The following EDEM1 variants were observed in gnomAD, a reference collection of about 807,000 sequenced individuals.
EDEM1 encodes the protein ER degradation-enhancing alpha-mannosidase-like protein 1.
Under a neutral mutation model 74.4 loss-of-function variants are expected in EDEM1, and 67 were observed. The observed-to-expected ratio is 0.90, with a 90% CI of 0.74 to 1.10. The LOEUF (loss-of-function observed/expected upper bound fraction) is 1.10, where lower values mean the gene tolerates loss of function less well. EDEM1 is among the 50% of genes least tolerant of loss of function. The pLI, the probability that EDEM1 is intolerant of heterozygous loss-of-function variation, is 0.00. For synonymous variants in EDEM1, 382 were observed against 335.9 expected, an observed-to-expected ratio of 1.14 and a Z score of -1.50; for missense variants, 926 against 851.6, an observed-to-expected ratio of 1.09 and a Z score of -1.09.
At chr3:5,193,385 C>T (rs746781652) in intron 1 of EDEM1, among the ~76,000 whole-genome samples, 6 of 152,108 alleles carry the variant, frequency 3.9e-5, no homozygotes, top group East Asian at 1.9e-4. Flanking sequence ...CTGTCACTTG[C>T]GCTTGAGAGG....
At position 5,215,828 on chromosome 3, in the gene EDEM1, G is replaced by A. The variant is rs935616749; in HGVS notation, c.1885-1G>A. 1 of 1,612,982 alleles carries A rather than the reference G, an allele frequency of 6.2e-7. No individual in the cohort carries two copies. Among genetic ancestry groups the A allele is most frequent in the Non-Finnish European group, 8.5e-7 (1 of 1,179,448 alleles). ...ATTTTCCCTCGTTTTTGTCTTTCTA[G>A]TGCAATCGTGTACCTGATGAGAGGA... On this transcript the variant is annotated splice_acceptor_variant, in intron 11 of 11. Transcript: ENST00000256497. LOFTEE classifies it high-confidence loss of function.
rs756341888 is a variant in EDEM1, at chr3:5,188,325, C to G, written c.509+11C>G. The G allele has an allele frequency of 3.4e-6, 5 of 1,451,528 alleles. No homozygotes were observed. The South Asian group carries it at 4.2e-5, about 12-fold the overall frequency. The allele number at this position is 1,451,528 out of a possible 1,614,324, so 89.9% of individuals were successfully genotyped here. A position where few individuals can be genotyped will look rare whatever the true frequency, so the allele number is the denominator to read the frequency against. On this transcript the variant is annotated intron_variant, in intron 1 of 11. Coordinates refer to ENST00000256497, the MANE Select transcript of EDEM1 (RefSeq NM_014674.3). ...CGACCGCGGGGACCCGTGAGTAGCC[C>G]CCGCCGCCCGGGGCCGCGCGCCCAC...
intron 1 of EDEM1, chr3:5,189,692 T>C (rs343421): frequency 0.95 from 144,327 of 152,372 alleles, 68,473 homozygotes; most frequent in Non-Finnish European, 0.98. Context: ...CCTCCGCCTC[T>C]GTGGTTAAAG....
chr3:5,202,229 G>A (rs1175730208), intron 4 of EDEM1, among the ~76,000 whole-genome samples: 1 of 152,184 alleles, frequency 6.6e-6, no homozygotes, highest in South Asian at 2.1e-4. Flanking sequence ...TATATTCTCT[G>A]CTACAAAGCA....
At chr3:5,189,459 G>C (rs896142145) in intron 1 of EDEM1, 5 of 152,166 alleles carry the variant, frequency 3.3e-5, no homozygotes, top group Non-Finnish European at 5.9e-5. Context: ...AAATTCAAAG[G>C]ACTGAGCCTT....
intron 11 of EDEM1, 144 bp from the exon 12 acceptor site, chr3:5,215,685 G>A (rs906769377): frequency 2.6e-5 from 19 of 743,350 alleles, no homozygotes; most frequent in Non-Finnish European, 4.4e-5. Flanking sequence ...TGACCGTCCT[G>A]CAGTGTACAG....
intron 6 of EDEM1, among the ~76,000 whole-genome samples, chr3:5,205,865 G>T (rs1559298148): frequency 6.6e-6 from 1 of 151,886 alleles, no homozygotes; most frequent in East Asian, 1.9e-4. Flanking sequence ...GTGGGAGGGG[G>T]CTGTGCAAGC....
At chr3:5,200,973 T>G (rs924610241) in intron 3 of EDEM1, among the ~76,000 whole-genome samples, 1 of 151,574 alleles carries the variant, frequency 6.6e-6, no homozygotes, top group Non-Finnish European at 1.5e-5. Flanking sequence ...CACGGCTCAC[T>G]GCAGCCTTGA....
At chr3:5,188,467 C>G in intron 1 of EDEM1, 153 bp downstream of exon 1, 5 of 841,592 alleles carry the variant, frequency 5.9e-6, no homozygotes, top group Non-Finnish European at 8.0e-6. Context: ...GTGTGAGTCC[C>G]TGTGAAGACC....
rs534407014 is a variant in EDEM1, at chr3:5,215,537, T to C, written c.1885-292T>C. 7.9e-5 allele frequency among the ~76,000 whole-genome samples: 12 copies of C among 152,300 alleles called. No individual in the cohort carries two copies. In the East Asian group the frequency reaches 1.9e-3, roughly 24 times the overall value. On this transcript the variant is annotated intron_variant, in intron 11 of 11. Transcript: ENST00000256497. Reference sequence around the variant, plus strand: ...TTATAAAGTGAGTGAGGATGTTAAATTATGTCACTGGTCTTCACCTGAGGG... The same window carrying C: ...TTATAAAGTGAGTGAGGATGTTAAACTATGTCACTGGTCTTCACCTGAGGG...
At position 5,218,759 on chromosome 3, in the gene EDEM1, T is replaced by C. The variant is rs74552995; in HGVS notation, c.*2841T>C. The C allele has an allele frequency of 6.6e-6, 1 of 152,012 alleles. No homozygotes were observed. The highest frequency in any genetic ancestry group is 1.5e-5 in the Non-Finnish European group (1 of 67,972). The allele number at this position is 152,012 out of a possible 1,614,324, so 9.4% of individuals were successfully genotyped here. ...TGTGACCGAGGAATCCCTTCTAGAA[T>C]CATAGGTGGCAAGGGAGGGTTTGCT... is the stretch of plus-strand genomic sequence containing the variant. On this transcript the variant is annotated 3_prime_UTR_variant, in exon 12 of 12. Coordinates refer to ENST00000256497, the MANE Select transcript of EDEM1 (RefSeq NM_014674.3).
rs140019352 is a variant in EDEM1, at chr3:5,211,349, G to A, written c.1680+133G>A. On this transcript the variant is annotated intron_variant, in intron 10 of 11. Transcript: ENST00000256497. The stretch of plus-strand genomic sequence containing the variant: ...CATTGTGCATTCCCAGGATGCAAAC[G>A]CTGTCAGAACCAAAGGATATTACTA... 1.2e-3 allele frequency: 1,002 copies of A among 848,880 alleles called. 7 individuals carry two copies. Among genetic ancestry groups the A allele is most frequent in the African/African-American group, 4.8e-3 (286 of 59,482 alleles). The allele number at this position is 848,880 out of a possible 1,614,324, so 52.6% of individuals were successfully genotyped here. A position where few individuals can be genotyped will look rare whatever the true frequency, so the allele number is the denominator to read the frequency against.
intron 11 of EDEM1, among the ~76,000 whole-genome samples, chr3:5,214,223 A>T (rs1483239320): frequency 2.0e-5 from 3 of 152,172 alleles, no homozygotes; most frequent in African/African-American, 7.2e-5. Context: ...AAATAGGATG[A>T]TTTGGAAGTG....
rs904035832 is a variant in EDEM1 at position 5,187,754 on chromosome 3, C to A, written c.-52C>A. 1 of 1,464,330 alleles carries A rather than the reference C, an allele frequency of 6.8e-7. No homozygotes were observed. Among genetic ancestry groups the A allele is most frequent in the South Asian group, 1.3e-5 (1 of 75,310 alleles). 90.7% of individuals were successfully genotyped at this position (1,464,330 alleles called of 1,614,324 possible). A position where few individuals can be genotyped will look rare whatever the true frequency, so the allele number is the denominator to read the frequency against. On this transcript the variant is annotated 5_prime_UTR_variant, in exon 1 of 12. Coordinates refer to ENST00000256497, the MANE Select transcript of EDEM1 (RefSeq NM_014674.3). ...CGGGGCGAGCGCGGGGTGCGGTGGT[C>A]GGCGGGGAGGCCCCCGCGCTTTAAA...
In EDEM1 at chr3:5,187,874, C is replaced by T. The variant is rs982162418; in HGVS notation, c.69C>T (p.Leu23=). ...TTGGCCTCCATGGAGTATTGTGGCT[C>T]GTCTTCGGGCTGGGGCCCAGCATGG... ...LRLGLHGVLW[L]VFGLGPSMGF... The change falls in exon 1 of 12, where the codon CTC becomes CTT. Residue 23 remains leucine, a synonymous_variant. Coordinates refer to ENST00000256497, the MANE Select transcript of EDEM1 (RefSeq NM_014674.3). 4.4e-6 allele frequency: 7 copies of T among 1,599,358 alleles called. No individual in the cohort carries two copies. The highest frequency in any genetic ancestry group is 4.6e-5 in the East Asian group (2 of 43,556).
intron 2 of EDEM1, among the ~76,000 whole-genome samples, chr3:5,197,648 A>G (rs1183721559): frequency 6.6e-6 from 1 of 152,080 alleles, no homozygotes; most frequent in African/African-American, 2.4e-5. Flanking sequence ...CTTCAGGCTT[A>G]TTTTTCAGGT....
chr3:5,197,015 A>T (rs553160056), intron 2 of EDEM1, among the ~76,000 whole-genome samples: 33 of 140,378 alleles, frequency 2.4e-4, no homozygotes, highest in Non-Finnish European at 3.5e-4. Context: ...TTCAACCTTC[A>T]GCTCCTGGGT....
chr3:5,201,126 G>T (rs1248914705), intron 3 of EDEM1, among the ~76,000 whole-genome samples: 1 of 151,048 alleles, frequency 6.6e-6, no homozygotes, highest in South Asian at 2.1e-4. Flanking sequence ...AATACTAATA[G>T]GTAATATTTA....
intron 10 of EDEM1, among the ~76,000 whole-genome samples, chr3:5,212,996 G>A (rs1247151653): frequency 6.6e-6 from 1 of 152,216 alleles, no homozygotes; most frequent in African/African-American, 2.4e-5. Context: ...CTCTTAGGTA[G>A]CACATGGAAA....
Sources: gnomAD v4.1 joint callset for allele counts (sites outside exome capture counted in the v4.1 genomes callset) on GRCh38, gnomAD v4.1.1 for gene constraint, MANE v1.5 for transcripts, NCBI Gene and HGNC (gene_info 2026-07-23, HGNC 2026-07-21) for gene names.